TMEM192: variants seen among roughly 807,000 people sequenced by gnomAD.
TMEM192 encodes transmembrane protein 192.
In TMEM192, 20 loss-of-function variants were observed where a neutral mutation model predicts 26.7. The ratio of observed to expected loss-of-function variants is 0.75; its 90% CI spans 0.53 to 1.09. The LOEUF (loss-of-function observed/expected upper bound fraction) is 1.09. Among genes scored for constraint, TMEM192 ranks in the 50% least tolerant of loss-of-function variants. The probability of loss-of-function intolerance (pLI) is 0.00; values close to 1 mark genes in which losing one functional copy is unlikely to be tolerated. For synonymous variants in TMEM192, 124 were observed against 121.0 expected (o/e 1.02, Z -0.16); for missense variants, 304 against 322.6 (o/e 0.94, Z 0.44).
At chr4:165,079,892 T>A in intron 5 of TMEM192, 96 bp from the exon 6 acceptor site, 1 of 1,210,832 alleles carries the variant, frequency 8.3e-7, no homozygotes, top group Non-Finnish European at 1.1e-6. Context: ...GTAAAGCATA[T>A]TGTATTTGCC....
chr4:165,081,398 T>G (rs952203157), intron 5 of TMEM192, among the ~76,000 whole-genome samples: 1 of 151,916 alleles, frequency 6.6e-6, no homozygotes, highest in Non-Finnish European at 1.5e-5. Context: ...ATTTTTTTTT[T>G]TTTGAGACGG....
chr4:165,090,910 C>CAAAAAAAAAAAAA (rs70952700), intron 3 of TMEM192, among the ~76,000 whole-genome samples: 8 of 51,016 alleles, frequency 1.6e-4, no homozygotes, highest in African/African-American at 3.9e-4. Context: ...GACTCTGTCT[C>CAAAAAAAAAAAAA]AAAAAAAAAA....
rs70952698 is a variant in TMEM192, at chr4:165,075,573, A to AT, written c.*4084dup. On this transcript the variant is annotated 3_prime_UTR_variant, in exon 6 of 6. Coordinates refer to ENST00000306480, the MANE Select transcript of TMEM192 (RefSeq NM_001100389.2). ...CCAGCCGAAATACAAAATTTTTAGT[A>AT]TTTTTTTTTTTTTTTGAGATGGAGC... The AT allele has an allele frequency of 0.3, 40,110 of 135,728 alleles. 6,302 individuals carry two copies. The highest frequency in any genetic ancestry group is 0.42 in the Admixed American group (5,660 of 13,426). The allele number at this position is 135,728 out of a possible 1,614,324, so 8.4% of individuals were successfully genotyped here. A position where few individuals can be genotyped will look rare whatever the true frequency, so the allele number is the denominator to read the frequency against.
chr4:165,097,185 G>A (rs1578908259), intron 3 of TMEM192, among the ~76,000 whole-genome samples: 1 of 152,102 alleles, frequency 6.6e-6, no homozygotes, highest in South Asian at 2.1e-4. Context: ...TGAACTTGCA[G>A]CATGCCCTTT....
intron 5 of TMEM192, among the ~76,000 whole-genome samples, chr4:165,080,992 G>C (rs1011495888): frequency 6.6e-6 from 1 of 152,082 alleles, no homozygotes; most frequent in Non-Finnish European, 1.5e-5. Context: ...TGGGATTACA[G>C]GTGTGAGCCA....
At chr4:165,110,388 C>A (rs1485306756) in intron 1 of TMEM192, among the ~76,000 whole-genome samples, 1 of 152,192 alleles carries the variant, frequency 6.6e-6, no homozygotes, top group African/African-American at 2.4e-5. Flanking sequence ...GAACAAAAAA[C>A]AGTTGGGTGA....
At chr4:165,080,931 T>C (rs1734504422) in intron 5 of TMEM192, among the ~76,000 whole-genome samples, 2 of 152,094 alleles carry the variant, frequency 1.3e-5, no homozygotes, top group Admixed American at 1.3e-4. Context: ...GCCAGGCTGG[T>C]TTCAAACTCC....
intron 2 of TMEM192, among the ~76,000 whole-genome samples, chr4:165,102,288 A>C (rs1052614539): frequency 7.9e-5 from 12 of 152,172 alleles, no homozygotes; most frequent in Non-Finnish European, 1.3e-4. Flanking sequence ...TCTTTTTTGT[A>C]ACTGAAAAAG....
chr4:165,087,903 G>C (rs1489014490), intron 4 of TMEM192, among the ~76,000 whole-genome samples: 2 of 152,086 alleles, frequency 1.3e-5, no homozygotes, highest in Non-Finnish European at 2.9e-5. Flanking sequence ...AAAGTTTGTG[G>C]ATGTTTTTGT....
rs1283455644 is a variant in TMEM192, at chr4:165,078,665, T to C, written c.*993A>G. ...ATAAAGTGAAAGTTCTAAATTCTTC[T>C]CTGAATTTTTCAGCTATTGCTAATG... On this transcript the variant is annotated 3_prime_UTR_variant, in exon 6 of 6. Transcript: ENST00000306480. 6.6e-6 allele frequency: 1 copy of C among 152,266 alleles called. No homozygotes were observed. The highest frequency in any genetic ancestry group is 2.4e-5 in the African/African-American group (1 of 41,470). 9.4% of individuals were successfully genotyped at this position (152,266 alleles called of 1,614,324 possible).
chr4:165,112,789 G>C lies in TMEM192; in HGVS notation c.-16C>G, dbSNP rs746599578. 7 of 1,605,430 alleles carry C rather than the reference G, an allele frequency of 4.4e-6. No homozygotes were observed. The highest frequency in any genetic ancestry group is 5.9e-6 in the Non-Finnish European group (7 of 1,178,674). On this transcript the variant is annotated 5_prime_UTR_variant, in exon 1 of 6. Coordinates refer to ENST00000306480, the MANE Select transcript of TMEM192 (RefSeq NM_001100389.2). ...CCGCCGCCATTTCCCGACGCCGGAG[G>C]CCGAAGCCCTGGCCAGCCCGGCCTC...
intron 3 of TMEM192, among the ~76,000 whole-genome samples, chr4:165,097,543 AAAAT>A (rs1467844939): frequency 6.7e-6 from 1 of 149,126 alleles, no homozygotes; most frequent in Non-Finnish European, 1.5e-5. Context: ...GAACAGAAGA[AAAAT>A]AAAAGTTAAA....
intron 1 of TMEM192, among the ~76,000 whole-genome samples, chr4:165,107,173 C>T (rs867128930): frequency 7.4e-4 from 113 of 151,810 alleles, no homozygotes; most frequent in Middle Eastern, 3.4e-3. Flanking sequence ...TACAAGTGCC[C>T]GACACCTTGT....
intron 3 of TMEM192, among the ~76,000 whole-genome samples, chr4:165,090,549 A>G (rs137908307): frequency 0.013 from 1,980 of 152,160 alleles, 34 homozygotes; most frequent in African/African-American, 0.044. Context: ...CTTTACAACA[A>G]ACCATAAAAC....
chr4:165,088,998 G>A (rs1156399425), intron 3 of TMEM192, among the ~76,000 whole-genome samples: 1 of 124,936 alleles, frequency 8.0e-6, no homozygotes, highest in African/African-American at 3.0e-5. Flanking sequence ...CTGAGGTCGT[G>A]TCACTGCACT....
chr4:165,106,046 T>C (rs907834199), intron 1 of TMEM192, among the ~76,000 whole-genome samples: 1 of 152,204 alleles, frequency 6.6e-6, no homozygotes, highest in Non-Finnish European at 1.5e-5. Context: ...ACCTTGATCT[T>C]GGGCTTCCTG....
At chr4:165,108,367 C>A (rs552588602) in intron 1 of TMEM192, among the ~76,000 whole-genome samples, 1 of 152,022 alleles carries the variant, frequency 6.6e-6, no homozygotes, top group East Asian at 1.9e-4. Context: ...GTGATCCGCT[C>A]GCCTCAGCCT....
intron 3 of TMEM192, among the ~76,000 whole-genome samples, chr4:165,089,040 C>CAAAAAAAAAAAAAAAAAAAAAAAAAAGA (rs1734691589): frequency 2.1e-5 from 1 of 47,290 alleles, no homozygotes; most frequent in Admixed American, 4.2e-4. Flanking sequence ...GACCCTACTG[C>CAAAAAAAAAAAAAAAAAAAAAAAAAAGA]AAAAAAAAAA....
intron 3 of TMEM192, among the ~76,000 whole-genome samples, chr4:165,096,063 C>T (rs1349282517): frequency 6.6e-6 from 1 of 151,672 alleles, no homozygotes; most frequent in Non-Finnish European, 1.5e-5. Context: ...TCCCAAAGTG[C>T]TGGTGTTACA....
Sources: allele counts gnomAD v4.1 joint callset (sites outside exome capture counted in the v4.1 genomes callset), GRCh38; gene constraint gnomAD v4.1.1; transcripts MANE v1.5; gene names NCBI Gene and HGNC (gene_info 2026-07-23, HGNC 2026-07-21).